MTMR2: variants seen among roughly 807,000 people sequenced by gnomAD.
The protein encoded by MTMR2 is myotubularin related protein 2, also known as phosphatidylinositol-3,5-bisphosphate 3-phosphatase MTMR2.
In MTMR2, 55 loss-of-function variants were observed where a neutral mutation model predicts 86.9. The observed-to-expected ratio is 0.63, with a 90% confidence interval of 0.51 to 0.79. The LOEUF is 0.79. MTMR2 is among the 30% of genes least tolerant of loss of function. MTMR2 has a pLI of 0.00. For missense variants in MTMR2, 659 were observed against 772.3 expected, an observed-to-expected ratio of 0.85 and a Z score of 1.74; for synonymous variants, 241 against 266.8, an observed-to-expected ratio of 0.90 and a Z score of 0.94.
At position 95,857,536 on chromosome 11, in the gene MTMR2, A is replaced by G; in HGVS notation, c.654+16T>C. 1 of 1,554,418 alleles carries G rather than the reference A, an allele frequency of 6.4e-7. No homozygotes were observed. Among genetic ancestry groups the G allele is most frequent in the South Asian group, 1.1e-5 (1 of 90,172 alleles). On this transcript the variant is annotated intron_variant, in intron 7 of 14. Coordinates refer to ENST00000346299, the MANE Select transcript of MTMR2 (RefSeq NM_016156.6). ...GAATACAAAATACTAAAATTGAAAG[A>G]GAAGAAAGTACATACCTGCCTTCTA... is the stretch of plus-strand genomic sequence containing the variant.
At chr11:95,877,332 CTTTTTTTTTTTT>C (rs764782930) in intron 2 of MTMR2, among the ~76,000 whole-genome samples, 1 of 106,272 alleles carries the variant, frequency 9.4e-6, no homozygotes, top group South Asian at 3.6e-4. Context: ...CAGGGAAGCC[CTTTTTTTTTTTT>C]TTTTTTTTTT....
intron 3 of MTMR2, among the ~76,000 whole-genome samples, 184 bp from the exon 4 acceptor site, chr11:95,862,550 AAC>A (rs1460990615): frequency 6.6e-6 from 1 of 152,210 alleles, no homozygotes; most frequent in Non-Finnish European, 1.5e-5. Flanking sequence ...CTGGGGAAGA[AAC>A]ACAGAATTAA....
At chr11:95,844,149 T>C (rs1439299418) in intron 11 of MTMR2, among the ~76,000 whole-genome samples, 1 of 152,182 alleles carries the variant, frequency 6.6e-6, no homozygotes, top group African/African-American at 2.4e-5. Flanking sequence ...AACACATTTA[T>C]ATAAACATGT....
intron 12 of MTMR2, among the ~76,000 whole-genome samples, chr11:95,839,746 AAGTCT>A (rs1299266850): frequency 6.6e-6 from 1 of 152,174 alleles, no homozygotes; most frequent in Non-Finnish European, 1.5e-5. Flanking sequence ...TGTGCTATTC[AAGTCT>A]CTGTACTAGT....
At chr11:95,859,921 TA>T (rs1032892010) in intron 5 of MTMR2, among the ~76,000 whole-genome samples, 11 of 152,178 alleles carry the variant, frequency 7.2e-5, no homozygotes, top group African/African-American at 2.4e-4. Flanking sequence ...TTTCCCTCAG[TA>T]AATATCTTTA....
chr11:95,874,496 G>A (rs1304732521), intron 2 of MTMR2, among the ~76,000 whole-genome samples: 5 of 151,970 alleles, frequency 3.3e-5, no homozygotes, highest in Non-Finnish European at 5.9e-5. Context: ...GTCTCTGCAC[G>A]TGAGATGGGT....
intron 12 of MTMR2, among the ~76,000 whole-genome samples, chr11:95,840,509 C>T (rs1214194291): frequency 6.6e-6 from 1 of 152,120 alleles, no homozygotes; most frequent in Non-Finnish European, 1.5e-5. Context: ...CTCTTACCTC[C>T]CAACACACCA....
chr11:95,896,170 T>C (rs1338407498), intron 1 of MTMR2, among the ~76,000 whole-genome samples: 1 of 152,082 alleles, frequency 6.6e-6, no homozygotes, highest in Non-Finnish European at 1.5e-5. Context: ...TATCACCTCC[T>C]TGGGAAAATC....
At chr11:95,846,328 C>T (rs1237196278) in intron 10 of MTMR2, among the ~76,000 whole-genome samples, 3 of 152,174 alleles carry the variant, frequency 2.0e-5, no homozygotes, top group Admixed American at 6.5e-5. Flanking sequence ...GCTCTAGGCA[C>T]GGGCCATACA....
chr11:95,864,349 G>A (rs1760608068), intron 3 of MTMR2, among the ~76,000 whole-genome samples: 1 of 152,118 alleles, frequency 6.6e-6, no homozygotes, highest in African/African-American at 2.4e-5. Flanking sequence ...CAACAAATGA[G>A]ACTGAGTGGT....
At chr11:95,843,895 G>C (rs577625044) in intron 11 of MTMR2, among the ~76,000 whole-genome samples, 1 of 152,038 alleles carries the variant, frequency 6.6e-6, no homozygotes, top group East Asian at 1.9e-4. Flanking sequence ...AGTTTGGGGA[G>C]TTAGGAAAAA....
chr11:95,865,128 A>AT (rs930917231), intron 3 of MTMR2, among the ~76,000 whole-genome samples: 7 of 152,294 alleles, frequency 4.6e-5, no homozygotes, highest in Admixed American at 6.5e-5. Context: ...GAGATGATGT[A>AT]TTTCATCCAA....
At position 95,847,647 on chromosome 11, in the gene MTMR2, G is replaced by A. The variant is rs1033228220; in HGVS notation, c.1179+67C>T. The A allele has an allele frequency of 3.1e-5, 44 of 1,417,116 alleles. 1 individual carries two copies. The Admixed American group carries it at 6.7e-4, about 22-fold the overall frequency. The allele number at this position is 1,417,116 out of a possible 1,614,324, so 87.8% of individuals were successfully genotyped here. The stretch of plus-strand genomic sequence containing the variant: ...ACCTTCATGTTGATTGCAATTATAA[G>A]TAAAAAGCTAATATAAACAAAGGGG... On this transcript the variant is annotated intron_variant, in intron 10 of 14. Transcript: ENST00000346299.
chr11:95,906,904 A>G (rs1008608271), intron 1 of MTMR2, among the ~76,000 whole-genome samples: 17 of 152,152 alleles, frequency 1.1e-4, no homozygotes, highest in Admixed American at 3.3e-4. Flanking sequence ...TTAAATCCCC[A>G]TATCGAAAAA....
chr11:95,845,527 C>T (rs751552411), intron 10 of MTMR2, among the ~76,000 whole-genome samples: 7 of 151,972 alleles, frequency 4.6e-5, no homozygotes, highest in Non-Finnish European at 1.0e-4. Flanking sequence ...CAATTGAAGC[C>T]TTGTTATGAT....
intron 1 of MTMR2, among the ~76,000 whole-genome samples, chr11:95,912,604 A>G (rs1399200556): frequency 6.6e-6 from 1 of 151,904 alleles, no homozygotes; most frequent in African/African-American, 2.4e-5. Flanking sequence ...AGTAACTATC[A>G]ATATACCATA....
At position 95,839,791 on chromosome 11, in the gene MTMR2, TAACA is replaced by T. The variant is rs569674401; in HGVS notation, c.1480-1588_1480-1585del. Among the ~76,000 whole-genome samples the T allele has an allele frequency of 1.5e-3, 225 of 152,260 alleles. 1 individual carries two copies. The Middle Eastern group carries it at 0.024, about 16-fold the overall frequency. ...AAGTATTTATAAAACTGATAATTGC[TAACA>T]AACATTATGACTAGTTAATATGCTT... On this transcript the variant is annotated intron_variant, in intron 12 of 14. Transcript: ENST00000346299.
intron 1 of MTMR2, among the ~76,000 whole-genome samples, chr11:95,889,981 T>C (rs966587708): frequency 7.9e-5 from 12 of 152,230 alleles, no homozygotes; most frequent in African/African-American, 2.9e-4. Flanking sequence ...GTTGTGATAA[T>C]ATTAAGAACC....
At chr11:95,902,373 T>C (rs1457245721) in intron 1 of MTMR2, among the ~76,000 whole-genome samples, 1 of 152,134 alleles carries the variant, frequency 6.6e-6, no homozygotes, top group Non-Finnish European at 1.5e-5. Context: ...CCAATACCAT[T>C]AGCAAAAGTG....
Sources: allele counts gnomAD v4.1 joint callset (sites outside exome capture counted in the v4.1 genomes callset), GRCh38; gene constraint gnomAD v4.1.1; transcripts MANE v1.5; gene names NCBI Gene and HGNC (gene_info 2026-07-23, HGNC 2026-07-21).